Variants in NKAIN3 observed in about 807,000 individuals in gnomAD.
NKAIN3 encodes sodium/potassium transporting ATPase interacting 3, also known as sodium/potassium-transporting ATPase subunit beta-1-interacting protein 3.
In NKAIN3, 25 loss-of-function variants were observed where a neutral mutation model predicts 30.2. The observed-to-expected ratio is 0.83, with a 90% CI of 0.60 to 1.16. The LOEUF (loss-of-function observed/expected upper bound fraction) is 1.16. Ranked by LOEUF, NKAIN3 falls within the 50% of genes most tolerant of loss-of-function variation. The pLI, the probability that NKAIN3 is intolerant of heterozygous loss-of-function variation, is 0.00. For missense variants in NKAIN3, 225 were observed against 254.1 expected (o/e 0.89, Z 0.78); for synonymous variants, 91 against 89.6 (o/e 1.02, Z -0.09).
rs1339057255 is a variant in NKAIN3, at chr8:62,329,641, C to A, written c.54+80514C>A. On this transcript the variant is annotated intron_variant, in intron 1 of 6. Transcript: ENST00000623646. ...TCGCTTAGGATAATAGCCTCCAGCT[C>A]CATCAGTGGTACTGCAAAGGGCATG... Among the ~76,000 whole-genome samples the A allele has an allele frequency of 2.6e-5, 4 of 152,186 alleles. No individual in the cohort carries two copies. The East Asian group carries it at 7.8e-4, about 30-fold the overall frequency.
At chr8:62,551,295 G>A (rs1809200818) in intron 1 of NKAIN3, among the ~76,000 whole-genome samples, 1 of 152,048 alleles carries the variant, frequency 6.6e-6, no homozygotes, top group South Asian at 2.1e-4. Flanking sequence ...TTCATTCTTA[G>A]GATCTACTTC....
chr8:62,253,755 T>A lies in NKAIN3; in HGVS notation c.54+4628T>A, dbSNP rs1160386921. 1.4e-4 allele frequency among the ~76,000 whole-genome samples: 22 copies of A among 152,186 alleles called. 1 individual carries two copies. Among genetic ancestry groups the A allele is most frequent in the Middle Eastern group, 6.3e-3 (2 of 316 alleles). ...TGAGATAAATGTGTTAAGAGGTGTCTGTAGGGGGGTGGTGTAGCTGTGGTA... is the reference window on the plus strand; with the variant it reads ...TGAGATAAATGTGTTAAGAGGTGTCAGTAGGGGGGTGGTGTAGCTGTGGTA... On this transcript the variant is annotated intron_variant, in intron 1 of 6. Transcript: ENST00000623646.
intron 1 of NKAIN3, among the ~76,000 whole-genome samples, chr8:62,540,402 A>G (rs1415688210): frequency 6.6e-6 from 1 of 152,206 alleles, no homozygotes; most frequent in African/African-American, 2.4e-5. Context: ...ATCAGTTTTC[A>G]GTGTTTACAT....
intron 1 of NKAIN3, among the ~76,000 whole-genome samples, chr8:62,347,908 AG>A (rs1238997217): frequency 6.6e-6 from 1 of 152,178 alleles, no homozygotes; most frequent in East Asian, 1.9e-4. Context: ...TTAATCAGAT[AG>A]GGGATCAGAG....
rs191925352 is a variant in NKAIN3, at chr8:62,351,432, T to C, written c.54+102305T>C. Among the ~76,000 whole-genome samples, 550 of 150,026 alleles carry C rather than the reference T, an allele frequency of 3.7e-3. 2 individuals carry two copies. Among genetic ancestry groups the C allele is most frequent in the African/African-American group, 0.012 (515 of 41,264 alleles). On this transcript the variant is annotated intron_variant, in intron 1 of 6. Coordinates refer to ENST00000623646, the MANE Select transcript of NKAIN3 (RefSeq NM_001304533.3). ...ACTTTTCCTCGGAATATTTTTGATC[T>C]TCATTTGGTTGAATTCACAGATGTG...
At chr8:62,353,348 A>G (rs1178644135) in intron 1 of NKAIN3, among the ~76,000 whole-genome samples, 1 of 152,244 alleles carries the variant, frequency 6.6e-6, no homozygotes, top group African/African-American at 2.4e-5. Flanking sequence ...TTCTGCAAAG[A>G]AATGAGTTTT....
intron 1 of NKAIN3, among the ~76,000 whole-genome samples, chr8:62,499,810 G>GTTTGT (rs1554539988): frequency 1.5e-4 from 4 of 26,146 alleles, no homozygotes; most frequent in Non-Finnish European, 5.1e-4. Context: ...GATCAGGTTT[G>GTTTGT]TTTGTTTGTT....
intron 1 of NKAIN3, among the ~76,000 whole-genome samples, chr8:62,392,659 T>C (rs903474479): frequency 6.6e-6 from 1 of 152,076 alleles, no homozygotes; most frequent in African/African-American, 2.4e-5. Flanking sequence ...ATGATAGATA[T>C]AGTATGAAAA....
rs373914132 is a variant in NKAIN3 at position 62,747,164 on chromosome 8, A to G, written c.471+35A>G. 5.6e-6 allele frequency: 8 copies of G among 1,420,394 alleles called. No individual in the cohort carries two copies. In the African/African-American group the frequency reaches 7.0e-5, roughly 12 times the overall value. The allele number at this position is 1,420,394 out of a possible 1,614,324, so 88.0% of individuals were successfully genotyped here. On this transcript the variant is annotated intron_variant, in intron 4 of 6. Coordinates refer to ENST00000623646, the MANE Select transcript of NKAIN3 (RefSeq NM_001304533.3). ...ACTTTTGTGTCATTATCTAATCAGA[A>G]CTCTTCTTTGCTGGCATTTTTTTCT...
rs1316418155 is a variant in NKAIN3 at position 62,969,943 on chromosome 8, C to T, written c.*4536C>T. On this transcript the variant is annotated 3_prime_UTR_variant, in exon 7 of 7. Transcript: ENST00000623646. ...GACACAGTGGCTCATGCCTGTAATC[C>T]CAAAGCTTTGGGAAGTTGAGATGAA... Among the ~76,000 whole-genome samples, 1 of 152,004 alleles carries T rather than the reference C, an allele frequency of 6.6e-6. No individual in the cohort carries two copies. Among genetic ancestry groups the T allele is most frequent in the African/African-American group, 2.4e-5 (1 of 41,390 alleles).
chr8:62,393,702 A>G (rs2129594717), intron 1 of NKAIN3, among the ~76,000 whole-genome samples: 1 of 152,200 alleles, frequency 6.6e-6, no homozygotes, highest in South Asian at 2.1e-4. Flanking sequence ...TTGACCTCTT[A>G]AAAATGGTGA....
At position 62,972,469 on chromosome 8, in the gene NKAIN3, A is replaced by C. The variant is rs1012568836; in HGVS notation, c.*7062A>C. Among the ~76,000 whole-genome samples, 2 of 152,070 alleles carry C rather than the reference A, an allele frequency of 1.3e-5. No individual in the cohort carries two copies. The highest frequency in any genetic ancestry group is 4.8e-5 in the African/African-American group (2 of 41,408). ...CAGTCTTTTATCTTCCTAGTTTTTC[A>C]AATAGAAAAGTGATACTAACATCAA... is the stretch of plus-strand genomic sequence containing the variant. On this transcript the variant is annotated 3_prime_UTR_variant, in exon 7 of 7. Transcript: ENST00000623646.
chr8:62,363,140 C>T (rs1484701628), intron 1 of NKAIN3, among the ~76,000 whole-genome samples: 1 of 152,186 alleles, frequency 6.6e-6, no homozygotes, highest in Non-Finnish European at 1.5e-5. Context: ...GGCAATACAG[C>T]TCTAAGAGAA....
intron 1 of NKAIN3, among the ~76,000 whole-genome samples, chr8:62,380,001 CTG>C (rs1817220690): frequency 6.6e-6 from 1 of 152,046 alleles, no homozygotes; most frequent in Non-Finnish European, 1.5e-5. Context: ...TATCTCATGT[CTG>C]AGGCAATTCA....
chr8:62,477,281 CG>C (rs1329359006), intron 1 of NKAIN3, among the ~76,000 whole-genome samples: 2 of 152,052 alleles, frequency 1.3e-5, no homozygotes, highest in East Asian at 1.9e-4. Flanking sequence ...CACACACAAA[CG>C]CATGTTTTTT....
chr8:62,848,016 C>G (rs893704586), intron 4 of NKAIN3, among the ~76,000 whole-genome samples: 1 of 152,104 alleles, frequency 6.6e-6, no homozygotes, highest in Non-Finnish European at 1.5e-5. Flanking sequence ...TCTGGGTTCT[C>G]TATTGTATTC....
At chr8:62,477,267 C>T (rs1806549822) in intron 1 of NKAIN3, among the ~76,000 whole-genome samples, 1 of 152,034 alleles carries the variant, frequency 6.6e-6, no homozygotes, top group African/African-American at 2.4e-5. Context: ...TGTACGCATG[C>T]ACACACACAC....
intron 4 of NKAIN3, among the ~76,000 whole-genome samples, chr8:62,912,282 A>C (rs2130850733): frequency 6.6e-6 from 1 of 152,306 alleles, no homozygotes; most frequent in Non-Finnish European, 1.5e-5. Flanking sequence ...CAGGACTGGA[A>C]GTTGCTCTCG....
chr8:62,915,875 A>T (rs1822083669), intron 4 of NKAIN3, among the ~76,000 whole-genome samples: 1 of 152,260 alleles, frequency 6.6e-6, no homozygotes, highest in Admixed American at 6.5e-5. Context: ...AGCAAGATCA[A>T]GTTAATAAAT....
Sources: gnomAD v4.1 joint callset for allele counts (sites outside exome capture counted in the v4.1 genomes callset) on GRCh38, gnomAD v4.1.1 for gene constraint, MANE v1.5 for transcripts, NCBI Gene and HGNC (gene_info 2026-07-23, HGNC 2026-07-21) for gene names.